Variants in ZC4H2 observed in about 807,000 individuals in gnomAD.
The protein encoded by ZC4H2 is zinc finger C4H2-type containing, also known as zinc finger C4H2 domain-containing protein.
For synonymous variants in ZC4H2, 84 were observed against 66.3 expected (o/e 1.27, Z -1.30); for missense variants, 137 against 173.9 (o/e 0.79, Z 1.19).
intron 1 of ZC4H2, among the ~76,000 whole-genome samples, chrX:65,014,296 C>A (rs988948714): frequency 1.8e-5 from 2 of 111,508 alleles, no homozygotes; most frequent in Admixed American, 1.9e-4. Context: ...AAAAGGGATT[C>A]CTCTGCACAC....
intron 1 of ZC4H2, among the ~76,000 whole-genome samples, chrX:64,970,875 G>A (rs1255208323): frequency 2.7e-5 from 3 of 111,783 alleles, no homozygotes; most frequent in Non-Finnish European, 5.6e-5. Context: ...TCAGAATAGT[G>A]GGTATGGGAC....
intron 1 of ZC4H2, among the ~76,000 whole-genome samples, chrX:64,964,772 T>C (rs1197837533): frequency 9.0e-6 from 1 of 111,578 alleles, no homozygotes; most frequent in Non-Finnish European, 1.9e-5. Flanking sequence ...TCATGATTAT[T>C]TTCTTCCTTA....
chrX:65,029,585 G>T (rs1028476835), intron 1 of ZC4H2, among the ~76,000 whole-genome samples: 2 of 111,305 alleles, frequency 1.8e-5, no homozygotes, highest in African/African-American at 6.5e-5. Context: ...TAATATAGTT[G>T]AGACGGACAG....
At chrX:65,033,700 T>C (rs1179740831) in intron 1 of ZC4H2, among the ~76,000 whole-genome samples, 2 of 112,385 alleles carry the variant, frequency 1.8e-5, no homozygotes, top group African/African-American at 6.5e-5. Flanking sequence ...TTAAGTGCTT[T>C]ACATTCACTT....
upstream of ZC4H2, among the ~76,000 whole-genome samples, chrX:64,977,120 CT>C (rs1327123320): frequency 8.9e-6 from 1 of 111,733 alleles, no homozygotes; most frequent in African/African-American, 3.3e-5. Context: ...AAATCCTTGC[CT>C]TTGAGGAACA....
At chrX:65,028,646 C>T (rs1408419236) in intron 1 of ZC4H2, among the ~76,000 whole-genome samples, 1 of 110,211 alleles carries the variant, frequency 9.1e-6, no homozygotes, top group Non-Finnish European at 1.9e-5. Context: ...ATTCTCAGGC[C>T]TCAGCCTCCT....
At chrX:65,024,563 A>AC (rs1448008044) in intron 1 of ZC4H2, among the ~76,000 whole-genome samples, 4 of 112,100 alleles carry the variant, frequency 3.6e-5, no homozygotes, top group Non-Finnish European at 5.6e-5. Flanking sequence ...ATTATATGAA[A>AC]AAAACAAACA....
intron 1 of ZC4H2, among the ~76,000 whole-genome samples, chrX:64,927,991 T>G (rs1275575062): frequency 8.9e-6 from 1 of 112,446 alleles, no homozygotes; most frequent in Non-Finnish European, 1.9e-5. Flanking sequence ...TTTATTCTTG[T>G]AAATTTGTTT....
intron 1 of ZC4H2, among the ~76,000 whole-genome samples, chrX:64,993,272 C>T (rs1247997228): frequency 9.0e-6 from 1 of 111,656 alleles, no homozygotes; most frequent in African/African-American, 3.3e-5. Flanking sequence ...GTTTAGCCAC[C>T]TCTTCCCTTC....
intron 1 of ZC4H2, among the ~76,000 whole-genome samples, chrX:64,992,308 T>C (rs902744954): frequency 1.5e-4 from 17 of 111,391 alleles, no homozygotes; most frequent in Non-Finnish European, 3.2e-4. Context: ...CTGACTCCAA[T>C]CTCCGACAGG....
chrX:64,996,406 A>G (rs941826823), intron 1 of ZC4H2, among the ~76,000 whole-genome samples: 1 of 111,053 alleles, frequency 9.0e-6, no homozygotes, highest in Non-Finnish European at 1.9e-5. Flanking sequence ...TTACCACATT[A>G]TAATATCCAA....
intron 1 of ZC4H2, among the ~76,000 whole-genome samples, chrX:64,929,793 C>T (rs745403929): frequency 2.5e-4 from 28 of 111,721 alleles, no homozygotes; most frequent in South Asian, 3.7e-4. Context: ...AATTTGATGT[C>T]GGGAAATGTG....
chrX:65,032,890 C>T (rs943249756), intron 1 of ZC4H2, among the ~76,000 whole-genome samples: 2 of 111,038 alleles, frequency 1.8e-5, no homozygotes, highest in African/African-American at 3.3e-5. Context: ...GATTCTACTG[C>T]CCCCGCCTCC....
At chrX:64,930,619 T>C (rs182962536) in intron 1 of ZC4H2, among the ~76,000 whole-genome samples, 18 of 112,419 alleles carry the variant, frequency 1.6e-4, no homozygotes, top group African/African-American at 5.2e-4. Flanking sequence ...TCTATTGAGC[T>C]AATCATATGA....
chrX:64,964,460 A>T (rs764760488), intron 1 of ZC4H2, among the ~76,000 whole-genome samples: 2 of 111,697 alleles, frequency 1.8e-5, no homozygotes, highest in East Asian at 5.6e-4. Flanking sequence ...GAAACAAAGG[A>T]TATGTTACAC....
chrX:64,968,226 T>G (rs1245272929), intron 1 of ZC4H2, among the ~76,000 whole-genome samples: 2 of 112,105 alleles, frequency 1.8e-5, no homozygotes, highest in Admixed American at 9.4e-5. Context: ...TCGGCAGGTA[T>G]GTTTCACTTT....
chrX:64,997,380 G>A (rs1464162273), intron 1 of ZC4H2, among the ~76,000 whole-genome samples: 2 of 111,701 alleles, frequency 1.8e-5, no homozygotes, highest in African/African-American at 6.5e-5. Flanking sequence ...AAGAAAACTA[G>A]GCAGTAACTC....
intron 1 of ZC4H2, among the ~76,000 whole-genome samples, chrX:65,024,517 C>G (rs1303975249): frequency 9.0e-6 from 1 of 111,655 alleles, no homozygotes; most frequent in Non-Finnish European, 1.9e-5. Context: ...ACACAGCAAT[C>G]ACATTCCTGG....
intron 1 of ZC4H2, among the ~76,000 whole-genome samples, chrX:64,983,220 T>A: frequency 8.9e-6 from 1 of 111,959 alleles, no homozygotes; most frequent in East Asian, 2.8e-4. Context: ...GGTTTTGGTC[T>A]TCTCGTATGG....
Sources: allele counts gnomAD v4.1 joint callset (sites outside exome capture counted in the v4.1 genomes callset), GRCh38; gene constraint gnomAD v4.1.1; transcripts MANE v1.5; gene names NCBI Gene and HGNC (gene_info 2026-07-23, HGNC 2026-07-21).